ANKRD12: variants seen among roughly 807,000 people sequenced by gnomAD.
The protein encoded by ANKRD12 is ankyrin repeat domain 12.
In ANKRD12, 85 loss-of-function variants were observed where a neutral mutation model predicts 183.4. The observed-to-expected ratio is 0.46, with a 90% CI of 0.39 to 0.56. The LOEUF (loss-of-function observed/expected upper bound fraction) is 0.56, where lower values mean the gene tolerates loss of function less well. Ranked by LOEUF, ANKRD12 falls within the 20% of genes least tolerant of loss-of-function variation. The probability of loss-of-function intolerance (pLI) is 0.00; values close to 1 mark genes in which losing one functional copy is unlikely to be tolerated. For missense variants in ANKRD12, 2,405 were observed against 2,357.1 expected (o/e 1.02, Z -0.42); for synonymous variants, 914 against 800.2 (o/e 1.14, Z -2.40).
At chr18:9,231,459 C>T (rs1195883885) in intron 8 of ANKRD12, among the ~76,000 whole-genome samples, 1 of 151,906 alleles carries the variant, frequency 6.6e-6, no homozygotes, top group Non-Finnish European at 1.5e-5. Context: ...TTGTTATATT[C>T]TCTTGCTGTA....
intron 9 of ANKRD12, chr18:9,260,090 TAATA>T (rs763128888): frequency 5.9e-5 from 9 of 152,280 alleles, no homozygotes; most frequent in Admixed American, 3.3e-4. Flanking sequence ...GTTTGAAAAA[TAATA>T]AAGACCAGAA....
At chr18:9,236,555 A>G (rs1475869923) in intron 8 of ANKRD12, among the ~76,000 whole-genome samples, 1 of 152,196 alleles carries the variant, frequency 6.6e-6, no homozygotes, top group African/African-American at 2.4e-5. Flanking sequence ...AGACTGGAAA[A>G]ATAAGATAAA....
chr18:9,185,664 G>A (rs2034000338), intron 2 of ANKRD12, among the ~76,000 whole-genome samples: 1 of 152,072 alleles, frequency 6.6e-6, no homozygotes, highest in African/African-American at 2.4e-5. Flanking sequence ...TACAAAGAGT[G>A]TATAAAGTGG....
rs1360146121 is a variant in ANKRD12, at chr18:9,283,346, T to A, written c.*2220T>A. The A allele has an allele frequency of 1.5e-4, 23 of 152,194 alleles. No individual in the cohort carries two copies. The highest frequency in any genetic ancestry group is 1.5e-5 in the Non-Finnish European group (1 of 68,012). The allele number at this position is 152,194 out of a possible 1,614,324, so 9.4% of individuals were successfully genotyped here. A position where few individuals can be genotyped will look rare whatever the true frequency, so the allele number is the denominator to read the frequency against. On this transcript the variant is annotated 3_prime_UTR_variant, in exon 13 of 13. Coordinates refer to ENST00000262126, the MANE Select transcript of ANKRD12 (RefSeq NM_015208.5). The stretch of plus-strand genomic sequence containing the variant: ...TTAGTCTTAACCACAGTTCTCACTC[T>A]CTTAAATGGTACCTCAAAAAGCTGG...
At chr18:9,199,687 A>G (rs569967239) in intron 3 of ANKRD12, among the ~76,000 whole-genome samples, 16 of 152,266 alleles carry the variant, frequency 1.1e-4, no homozygotes, top group Admixed American at 7.8e-4. Flanking sequence ...TTTATATTTT[A>G]TAGTAGACAG....
In ANKRD12 at chr18:9,283,280, C is replaced by G. The variant is rs1312659296; in HGVS notation, c.*2154C>G. ...AGAACAGGCTTTTAGAAGATAAAAG[C>G]GACAAGAAGGAATCTGGTGAATTTT... On this transcript the variant is annotated 3_prime_UTR_variant, in exon 13 of 13. Transcript: ENST00000262126. The G allele has an allele frequency of 6.6e-6, 1 of 152,070 alleles. No homozygotes were observed. Among genetic ancestry groups the G allele is most frequent in the Non-Finnish European group, 1.5e-5 (1 of 67,992 alleles). 9.4% of individuals were successfully genotyped at this position (152,070 alleles called of 1,614,324 possible).
chr18:9,158,587 T>C (rs762999614), intron 1 of ANKRD12, among the ~76,000 whole-genome samples: 7 of 152,250 alleles, frequency 4.6e-5, no homozygotes, highest in Non-Finnish European at 8.8e-5. Context: ...TCACATCTTA[T>C]CAAGGGTACA....
chr18:9,199,934 G>C (rs1177060678), intron 3 of ANKRD12, among the ~76,000 whole-genome samples: 1 of 151,882 alleles, frequency 6.6e-6, no homozygotes, highest in Non-Finnish European at 1.5e-5. Flanking sequence ...TTCCTTCTTG[G>C]TCCTTTTTGT....
chr18:9,162,928 ACT>A (rs2031623352), intron 1 of ANKRD12, among the ~76,000 whole-genome samples: 1 of 151,524 alleles, frequency 6.6e-6, no homozygotes. Context: ...TTCCTTGTAG[ACT>A]CTGGATATTA....
At chr18:9,188,262 G>A (rs2034233282) in intron 2 of ANKRD12, among the ~76,000 whole-genome samples, 2 of 152,204 alleles carry the variant, frequency 1.3e-5, no homozygotes, top group Non-Finnish European at 2.9e-5. Context: ...TACAGGGTAG[G>A]AACCCCAAAT....
intron 1 of ANKRD12, among the ~76,000 whole-genome samples, chr18:9,162,198 C>G (rs1188063890): frequency 2.0e-5 from 3 of 151,826 alleles, no homozygotes; most frequent in African/African-American, 7.3e-5. Flanking sequence ...TCCCCCAACC[C>G]CTCCCTCCTA....
Position 9,201,641 on chromosome 18 carries a change from T to G in ANKRD12, c.236-2835T>G, listed in dbSNP as rs117662846. ...GAATGTTCTTTAAGTTCAAATAGCA[T>G]TGGGGGACATGTTTTTCTTTAGGTT... On this transcript the variant is annotated intron_variant, in intron 3 of 12. Coordinates refer to ENST00000262126, the MANE Select transcript of ANKRD12 (RefSeq NM_015208.5). 4.0e-3 allele frequency among the ~76,000 whole-genome samples: 611 copies of G among 152,268 alleles called. 2 individuals carry two copies. Among genetic ancestry groups the G allele is most frequent in the Non-Finnish European group, 6.6e-3 (452 of 68,008 alleles).
intron 8 of ANKRD12, among the ~76,000 whole-genome samples, chr18:9,249,351 A>C (rs2038150297): frequency 6.6e-6 from 1 of 152,230 alleles, no homozygotes; most frequent in South Asian, 2.1e-4. Context: ...CTCTTAATAA[A>C]GTGATGCTTT....
At chr18:9,236,644 G>C (rs544479265) in intron 8 of ANKRD12, among the ~76,000 whole-genome samples, 1 of 86,116 alleles carries the variant, frequency 1.2e-5, no homozygotes, top group Non-Finnish European at 2.6e-5. Flanking sequence ...TCCAGGAGAC[G>C]TAACAGAACT....
chr18:9,257,115 C>T lies in ANKRD12; in HGVS notation c.3848C>T (p.Thr1283Ile), dbSNP rs1228667494. The stretch of plus-strand genomic sequence containing the variant: ...CCACCATATGCAAACAGACTTTCAA[C>T]ATCCCATCTTAGGTCATCTTCTGTA... ...IKPPYANRLS[T>I]SHLRSSSVED... is the part of the protein sequence containing the mutation. The change falls in exon 9 of 13, where the codon ACA becomes ATA. Residue 1283 changes from threonine (T) to isoleucine (I), a missense_variant. Around this residue, in one of 7 missense-constraint regions of ANKRD12, gnomAD observed 1,983 missense variants for 1,725.9 expected, o/e 1.15. Coordinates refer to ENST00000262126, the MANE Select transcript of ANKRD12 (RefSeq NM_015208.5). 1.5e-5 allele frequency: 24 copies of T among 1,614,026 alleles called. No homozygotes were observed. The highest frequency in any genetic ancestry group is 2.7e-5 in the African/African-American group (2 of 74,920).
intron 8 of ANKRD12, among the ~76,000 whole-genome samples, chr18:9,239,314 C>A (rs1482567311): frequency 6.6e-6 from 1 of 152,128 alleles, no homozygotes; most frequent in Non-Finnish European, 1.5e-5. Flanking sequence ...TATAAACTTG[C>A]TTTTAGAAAG....
intron 1 of ANKRD12, among the ~76,000 whole-genome samples, chr18:9,178,777 C>G (rs886130872): frequency 6.6e-6 from 1 of 152,174 alleles, no homozygotes; most frequent in South Asian, 2.1e-4. Context: ...TCTTCTGATT[C>G]ATGAGCATGG....
intron 2 of ANKRD12, among the ~76,000 whole-genome samples, chr18:9,186,000 C>T (rs1223304654): frequency 6.6e-6 from 1 of 152,192 alleles, no homozygotes. Context: ...ATCTGGGCTG[C>T]TTGATGCCAC....
intron 1 of ANKRD12, among the ~76,000 whole-genome samples, chr18:9,137,323 A>C (rs1239679130): frequency 6.8e-6 from 1 of 146,126 alleles, no homozygotes; most frequent in Non-Finnish European, 1.5e-5. Context: ...GGCCGGGCGG[A>C]GGGCCGCGAG....
Sources: gnomAD v4.1 joint callset for allele counts (sites outside exome capture counted in the v4.1 genomes callset) on GRCh38, gnomAD v4.1.1 for gene constraint, gnomAD v4.1.1 regional missense constraint, MANE v1.5 for transcripts, NCBI Gene and HGNC (gene_info 2026-07-23, HGNC 2026-07-21) for gene names.